The following BMAL2 variants were observed in gnomAD, a reference collection of about 807,000 sequenced individuals.
BMAL2 encodes the protein basic helix-loop-helix ARNT-like protein 2.
At chr12:27,351,586 C>T in the BMAL2 span, among the ~76,000 whole-genome samples, 2 of 152,176 alleles carry the variant, frequency 1.3e-5, no homozygotes, top group African/African-American at 4.8e-5. Flanking sequence ...ACCTAATCAC[C>T]CCAGGGCCAG....
the BMAL2 span, among the ~76,000 whole-genome samples, chr12:27,336,811 G>C: frequency 6.6e-6 from 1 of 151,908 alleles, no homozygotes; most frequent in African/African-American, 2.4e-5. Context: ...AATTAGTCCG[G>C]CGTTGGTGGT....
chr12:27,419,376 T>C, the BMAL2 span, among the ~76,000 whole-genome samples: 5 of 152,146 alleles, frequency 3.3e-5, no homozygotes, highest in Non-Finnish European at 7.3e-5. Flanking sequence ...CATCTTCCCA[T>C]GGCGGAAGGC....
At chr12:27,413,189 A>G in the BMAL2 span, among the ~76,000 whole-genome samples, 1 of 152,218 alleles carries the variant, frequency 6.6e-6, no homozygotes, top group Non-Finnish European at 1.5e-5. Context: ...AAATGGAAAT[A>G]TAAAACTTTC....
the BMAL2 span, among the ~76,000 whole-genome samples, chr12:27,419,548 C>T: frequency 6.6e-6 from 1 of 152,212 alleles, no homozygotes; most frequent in Non-Finnish European, 1.5e-5. Context: ...GGCCTCACTT[C>T]TCAACACCAT....
At chr12:27,341,357 C>T in the BMAL2 span, among the ~76,000 whole-genome samples, 1 of 152,160 alleles carries the variant, frequency 6.6e-6, no homozygotes, top group Non-Finnish European at 1.5e-5. Flanking sequence ...ACCTTTTCTG[C>T]ATCTGTTGAG....
chr12:27,350,994 C>CCCTT, the BMAL2 span, among the ~76,000 whole-genome samples: 168 of 94,278 alleles, frequency 1.8e-3, no homozygotes, highest in Middle Eastern at 7.6e-3. Context: ...CCCACCCCCC[C>CCCTT]TTTTTTTTTT....
chr12:27,380,229 G>T, the BMAL2 span: 1 of 1,612,694 alleles, frequency 6.2e-7, no homozygotes, highest in East Asian at 2.2e-5. Flanking sequence ...TATAAAGGAA[G>T]TTCCTTTTCC....
the BMAL2 span, among the ~76,000 whole-genome samples, chr12:27,410,036 C>T: frequency 2.7e-3 from 413 of 152,022 alleles, 2 homozygotes; most frequent in African/African-American, 9.2e-3. Context: ...AAATCAAAAC[C>T]ACAATGAGAT....
the BMAL2 span, chr12:27,394,617 C>A: frequency 6.6e-6 from 1 of 152,214 alleles, no homozygotes; most frequent in Non-Finnish European, 1.5e-5. Context: ...TAATCTTTCT[C>A]TTTTACCTAA....
the BMAL2 span, among the ~76,000 whole-genome samples, chr12:27,386,159 AAAAAGC>A: frequency 7.8e-3 from 1,194 of 152,298 alleles, 15 homozygotes; most frequent in African/African-American, 0.027. Flanking sequence ...CTTTAATTAA[AAAAAGC>A]CACTCTTTTA....
the BMAL2 span, chr12:27,420,253 C>CTGCAGCTTAAGATATT: frequency 1.0e-6 from 1 of 974,320 alleles, no homozygotes. Context: ...AAGATATATA[C>CTGCAGCTTAAGATATT]TTTGCCTTCA....
the BMAL2 span, among the ~76,000 whole-genome samples, chr12:27,334,918 A>T: frequency 6.6e-6 from 1 of 152,344 alleles, no homozygotes; most frequent in Middle Eastern, 3.4e-3. Flanking sequence ...TCACAGTTAT[A>T]CAGCCAGGAC....
the BMAL2 span, chr12:27,400,404 C>A: frequency 1.4e-6 from 1 of 710,084 alleles, no homozygotes; most frequent in East Asian, 3.0e-5. Context: ...AATACCATTC[C>A]CCTTTCATAT....
chr12:27,409,380 C>T, the BMAL2 span, among the ~76,000 whole-genome samples: 1 of 152,170 alleles, frequency 6.6e-6, no homozygotes, highest in East Asian at 1.9e-4. Flanking sequence ...CAGCATGGTA[C>T]TGGTACCAAA....
At chr12:27,344,439 A>G in the BMAL2 span, among the ~76,000 whole-genome samples, 1 of 152,278 alleles carries the variant, frequency 6.6e-6, no homozygotes, top group East Asian at 1.9e-4. Flanking sequence ...ATATATTAAG[A>G]GATTAATTGC....
the BMAL2 span, among the ~76,000 whole-genome samples, chr12:27,344,774 A>G: frequency 2.0e-5 from 3 of 152,264 alleles, no homozygotes; most frequent in Non-Finnish European, 4.4e-5. Context: ...CCAAGATGAC[A>G]TAGCAAAGTT....
At chr12:27,341,253 GTTGTAGATGGCTCTTA>G in the BMAL2 span, among the ~76,000 whole-genome samples, 26 of 151,482 alleles carry the variant, frequency 1.7e-4, no homozygotes, top group South Asian at 5.2e-3. Context: ...CTGTGGGTTT[GTTGTAGATGGCTCTTA>G]TTATTTTGAG....
chr12:27,380,299 A>G, the BMAL2 span: 32 of 1,614,074 alleles, frequency 2.0e-5, no homozygotes, highest in Non-Finnish European at 2.6e-5. Context: ...GAATAACCTG[A>G]TTGAAGAACT....
At chr12:27,425,245 T>A in the BMAL2 span, 1 of 152,114 alleles carries the variant, frequency 6.6e-6, no homozygotes, top group Non-Finnish European at 1.5e-5. Flanking sequence ...TAATTACTCA[T>A]TTGTAGTTTT....
Sources: gnomAD v4.1 joint callset for allele counts (sites outside exome capture counted in the v4.1 genomes callset) on GRCh38, gnomAD v4.1.1 for gene constraint, MANE v1.5 for transcripts, NCBI Gene and HGNC (gene_info 2026-07-23, HGNC 2026-07-21) for gene names.